Variants in THSD7A observed in about 807,000 individuals in gnomAD.
THSD7A encodes the protein thrombospondin type 1 domain containing 7A.
In THSD7A, 96 loss-of-function variants were observed where a neutral mutation model predicts 231.3. The observed-to-expected ratio is 0.41, with a 90% CI of 0.35 to 0.49. The LOEUF is 0.49. Ranked by LOEUF, THSD7A falls within the 20% of genes least tolerant of loss-of-function variation. The pLI is 0.05. For missense variants in THSD7A, 2,290 were observed against 2,070.2 expected, an observed-to-expected ratio of 1.11 and a Z score of -2.06; for synonymous variants, 940 against 743.3, an observed-to-expected ratio of 1.26 and a Z score of -4.30.
At chr7:11,655,762 C>T (rs182770609) in intron 1 of THSD7A, among the ~76,000 whole-genome samples, 1 of 151,914 alleles carries the variant, frequency 6.6e-6, no homozygotes, top group Non-Finnish European at 1.5e-5. Flanking sequence ...CCAAATATCT[C>T]TAAATACTCT....
intron 23 of THSD7A, among the ~76,000 whole-genome samples, chr7:11,394,633 C>A (rs544738953): frequency 1.3e-5 from 2 of 152,280 alleles, no homozygotes; most frequent in East Asian, 3.9e-4. Flanking sequence ...ACGTGATGTT[C>A]CTTGAAAGGG....
In THSD7A at chr7:11,401,779, G is replaced by T. The variant is rs1305609884; in HGVS notation, c.4411+16C>A. 1.2e-6 allele frequency: 2 copies of T among 1,600,614 alleles called. No homozygotes were observed. Among genetic ancestry groups the T allele is most frequent in the South Asian group, 2.2e-5 (2 of 89,156 alleles). ...TGCTTTTGCTTAAGATAGAGTATAT[G>T]AACGGTAGCACTCACCATAACATGA... On this transcript the variant is annotated intron_variant, in intron 23 of 27. Coordinates refer to ENST00000423059, the MANE Select transcript of THSD7A (RefSeq NM_015204.3).
intron 4 of THSD7A, among the ~76,000 whole-genome samples, chr7:11,557,258 A>G (rs1789883925): frequency 6.6e-6 from 1 of 151,870 alleles, no homozygotes; most frequent in Admixed American, 6.6e-5. Context: ...ATGCTGTTAG[A>G]CCCGTATACA....
chr7:11,785,258 A>G (rs1051003896), intron 1 of THSD7A, among the ~76,000 whole-genome samples: 1 of 152,048 alleles, frequency 6.6e-6, no homozygotes, highest in African/African-American at 2.4e-5. Flanking sequence ...AGGTTTTGCT[A>G]TATTGCCCAA....
intron 6 of THSD7A, among the ~76,000 whole-genome samples, chr7:11,531,906 A>G (rs1278877941): frequency 6.6e-6 from 1 of 152,296 alleles, no homozygotes; most frequent in East Asian, 1.9e-4. Context: ...CAGATTCAGT[A>G]TGTCCACAAA....
chr7:11,609,552 A>G (rs1584075805), intron 2 of THSD7A, among the ~76,000 whole-genome samples: 4 of 152,122 alleles, frequency 2.6e-5, no homozygotes. Context: ...TCTGCTTCAC[A>G]TGAAAGAATT....
chr7:11,520,580 C>T (rs776071724), intron 6 of THSD7A, among the ~76,000 whole-genome samples: 4 of 152,030 alleles, frequency 2.6e-5, no homozygotes, highest in Non-Finnish European at 5.9e-5. Flanking sequence ...ATATCAAGTG[C>T]TTGAAAATGT....
chr7:11,724,130 T>C (rs1321080606), intron 1 of THSD7A, among the ~76,000 whole-genome samples: 1 of 151,938 alleles, frequency 6.6e-6, no homozygotes, highest in African/African-American at 2.4e-5. Flanking sequence ...TAAAAGAATA[T>C]ATGTGGGATA....
At chr7:11,613,401 T>C (rs1294550302) in intron 2 of THSD7A, among the ~76,000 whole-genome samples, 1 of 152,180 alleles carries the variant, frequency 6.6e-6, no homozygotes, top group Non-Finnish European at 1.5e-5. Context: ...TAGGGTTTAA[T>C]ACCAGCAGCT....
chr7:11,487,272 T>C lies in THSD7A; in HGVS notation c.1823-5290A>G, dbSNP rs114379647. ...AAACATCTGCTCAAGATAATTACTA[T>C]AAAAATTCATGAAGACTACCATAGA... On this transcript the variant is annotated intron_variant, in intron 6 of 27. Coordinates refer to ENST00000423059, the MANE Select transcript of THSD7A (RefSeq NM_015204.3). Among the ~76,000 whole-genome samples, 1,256 of 152,160 alleles carry C rather than the reference T, an allele frequency of 8.3e-3. 8 individuals are homozygous for C. Among genetic ancestry groups the C allele is most frequent in the African/African-American group, 0.029 (1,203 of 41,522 alleles).
At chr7:11,791,304 G>A (rs1583294286) in intron 1 of THSD7A, among the ~76,000 whole-genome samples, 2 of 151,972 alleles carry the variant, frequency 1.3e-5, no homozygotes, top group African/African-American at 4.8e-5. Flanking sequence ...CAATTTACTT[G>A]GCAATTGGCA....
chr7:11,636,642 C>T lies in THSD7A; in HGVS notation c.510G>A (p.Glu170=). 1 of 1,613,982 alleles carries T rather than the reference C, an allele frequency of 6.2e-7. No homozygotes were observed. Among genetic ancestry groups the T allele is most frequent in the South Asian group, 1.1e-5 (1 of 91,080 alleles). Reference sequence around the variant, plus strand: ...GCTCAAAGTACTCACAGATGATATCCTCCGCAGGAATGTCTTTGTCTTTCT... The same window carrying T: ...GCTCAAAGTACTCACAGATGATATCTTCCGCAGGAATGTCTTTGTCTTTCT... The part of the protein sequence containing the change: ...CIQKDKDIPA[E]DIICEYFEPK... Residue 170 remains glutamate (E), a synonymous_variant, in exon 2 of 28, where the codon GAG becomes GAA. Coordinates refer to ENST00000423059, the MANE Select transcript of THSD7A (RefSeq NM_015204.3). The surrounding 1 kb of genome is among the most constrained non-coding windows in gnomAD (Gnocchi z 10.0).
intron 6 of THSD7A, among the ~76,000 whole-genome samples, chr7:11,488,282 T>A (rs1411813531): frequency 6.6e-6 from 1 of 152,168 alleles, no homozygotes; most frequent in Non-Finnish European, 1.5e-5. Context: ...TCTTTATATA[T>A]TTATTTATTG....
Position 11,794,138 on chromosome 7 carries a change from A to T in THSD7A, c.190+37619T>A, listed in dbSNP as rs769131458. ...TTCTAACATATGTAATTTCCATTATAATAAGTAAACATACAGGGCAGGAGA... is the reference window on the plus strand; with the variant it reads ...TTCTAACATATGTAATTTCCATTATTATAAGTAAACATACAGGGCAGGAGA... On this transcript the variant is annotated intron_variant, in intron 1 of 27. Transcript: ENST00000423059. Among the ~76,000 whole-genome samples, 55 of 151,996 alleles carry T rather than the reference A, an allele frequency of 3.6e-4. 1 individual carries two copies. Among genetic ancestry groups the T allele is most frequent in the Non-Finnish European group, 1.6e-4 (11 of 67,910 alleles).
intron 6 of THSD7A, among the ~76,000 whole-genome samples, chr7:11,526,403 C>G (rs773232477): frequency 1.3e-5 from 2 of 152,166 alleles, no homozygotes; most frequent in African/African-American, 2.4e-5. Flanking sequence ...AGAGAGTATA[C>G]TCTATCCACT....
At chr7:11,782,327 A>G (rs1406564386) in intron 1 of THSD7A, among the ~76,000 whole-genome samples, 1 of 152,172 alleles carries the variant, frequency 6.6e-6, no homozygotes, top group Non-Finnish European at 1.5e-5. Context: ...GTTAGGAATC[A>G]ATGGGAAATA....
chr7:11,419,981 T>C (rs1386895299), intron 16 of THSD7A, among the ~76,000 whole-genome samples: 1 of 152,174 alleles, frequency 6.6e-6, no homozygotes, highest in Non-Finnish European at 1.5e-5. Flanking sequence ...ACATTCAAGA[T>C]GTGGCCTGCC....
At chr7:11,667,001 A>G (rs1783161256) in intron 1 of THSD7A, among the ~76,000 whole-genome samples, 1 of 152,142 alleles carries the variant, frequency 6.6e-6, no homozygotes, top group African/African-American at 2.4e-5. Context: ...AAAAACAGAT[A>G]TTAATTTGTT....
intron 1 of THSD7A, among the ~76,000 whole-genome samples, chr7:11,666,379 T>C (rs1019217514): frequency 4.6e-5 from 7 of 152,040 alleles, no homozygotes; most frequent in Admixed American, 2.6e-4. Flanking sequence ...TTTGTGGTCA[T>C]TGAACCATCA....
Sources: allele counts gnomAD v4.1 joint callset (sites outside exome capture counted in the v4.1 genomes callset), GRCh38; gene constraint gnomAD v4.1.1; non-coding constraint Gnocchi (gnomAD v3.1); transcripts MANE v1.5; gene names NCBI Gene and HGNC (gene_info 2026-07-23, HGNC 2026-07-21).